ZNF333: variants seen among roughly 807,000 people sequenced by gnomAD.
ZNF333 encodes zinc finger protein 333.
In ZNF333, 61 loss-of-function variants were observed where a neutral mutation model predicts 76.1. The observed-to-expected ratio is 0.80, with a 90% CI of 0.65 to 0.99. ZNF333 has a LOEUF of 0.99. Ranked by LOEUF, ZNF333 falls within the 50% of genes least tolerant of loss-of-function variation. ZNF333 has a pLI of 0.00. For synonymous variants in ZNF333, 284 were observed against 305.0 expected (o/e 0.93, Z 0.72); for missense variants, 717 against 822.4 (o/e 0.87, Z 1.57).
chr19:14,723,322 G>A (rs1484803887), downstream of ZNF333, among the ~76,000 whole-genome samples: 2 of 152,102 alleles, frequency 1.3e-5, no homozygotes, highest in Non-Finnish European at 2.9e-5. Context: ...GTTGATTACT[G>A]TAGTTTTACA....
intron 2 of ZNF333, among the ~76,000 whole-genome samples, 180 bp from the exon 3 acceptor site, chr19:14,694,830 G>A (rs939994410): frequency 1.3e-5 from 2 of 152,230 alleles, no homozygotes; most frequent in Non-Finnish European, 2.9e-5. Context: ...AGCCATTGAT[G>A]CATTGTAAAT....
At chr19:14,715,940 G>A (rs1183425971) in intron 8 of ZNF333, among the ~76,000 whole-genome samples, 172 bp from the exon 9 acceptor site, 1 of 152,168 alleles carries the variant, frequency 6.6e-6, no homozygotes, top group Non-Finnish European at 1.5e-5. Context: ...AGTAGAGAGA[G>A]GAGTTCTAGT....
intron 11 of ZNF333, among the ~76,000 whole-genome samples, chr19:14,729,173 A>C (rs2042652369): frequency 6.6e-6 from 1 of 152,064 alleles, no homozygotes; most frequent in Non-Finnish European, 1.5e-5. Flanking sequence ...AACAGACTGA[A>C]CCTTTGAAGA....
intron 1 of ZNF333, among the ~76,000 whole-genome samples, chr19:14,690,751 C>T (rs537233881): frequency 1.3e-5 from 2 of 152,288 alleles, no homozygotes; most frequent in South Asian, 4.1e-4. Context: ...GGCTTTGCAT[C>T]TCTTCCTTTT....
chr19:14,723,788 G>A (rs1396325836), downstream of ZNF333, among the ~76,000 whole-genome samples: 1 of 152,182 alleles, frequency 6.6e-6, no homozygotes, highest in Non-Finnish European at 1.5e-5. Flanking sequence ...CATTTCTTTT[G>A]TGGGGAATTA....
downstream of ZNF333, among the ~76,000 whole-genome samples, chr19:14,726,824 A>C (rs528859824): frequency 6.6e-6 from 1 of 152,100 alleles, no homozygotes; most frequent in Admixed American, 6.6e-5. Context: ...TTTTGGTCAC[A>C]ACCCTTTAAC....
chr19:14,702,879 A>G (rs1009081715), intron 5 of ZNF333, among the ~76,000 whole-genome samples: 1 of 152,210 alleles, frequency 6.6e-6, no homozygotes, highest in African/African-American at 2.4e-5. Context: ...AAGGAGAAGT[A>G]TAAACAAAAG....
exon 12 of ZNF333, chr19:14,731,366 C>G (rs2147052323): frequency 1.6e-6 from 1 of 616,790 alleles, no homozygotes; most frequent in East Asian, 2.8e-5. Context: ...GGCTCCTTAA[C>G]TTCCGGCTTC....
intron 1 of ZNF333, among the ~76,000 whole-genome samples, chr19:14,690,404 G>A (rs1972671080): frequency 6.6e-6 from 1 of 152,206 alleles, no homozygotes; most frequent in Admixed American, 6.5e-5. Context: ...AAACAGTCCA[G>A]GTCCCACAGC....
intron 7 of ZNF333, among the ~76,000 whole-genome samples, chr19:14,713,457 C>A (rs1350081224): frequency 6.6e-6 from 1 of 152,026 alleles, no homozygotes; most frequent in African/African-American, 2.4e-5. Context: ...GAGAGTCAGC[C>A]TGGAGATTTG....
rs10403747 is a variant in ZNF333, at chr19:14,704,982, A to G, written c.307-72A>G. On this transcript the variant is annotated intron_variant, in intron 5 of 11. Coordinates refer to ENST00000292530, the MANE Select transcript of ZNF333 (RefSeq NM_032433.4). Reference sequence around the variant, plus strand: ...TTCTGGCAGCCCTAAGCCCCAAACCAAAGGTCTCTCGGGCTGAGAACAGCT... The same window carrying G: ...TTCTGGCAGCCCTAAGCCCCAAACCGAAGGTCTCTCGGGCTGAGAACAGCT... The G allele has an allele frequency of 4.7e-3, 7,032 of 1,483,450 alleles. 278 individuals carry two copies. In the African/African-American group the frequency reaches 0.081, roughly 17 times the overall value. 91.9% of individuals were successfully genotyped at this position (1,483,450 alleles called of 1,614,324 possible). A position where few individuals can be genotyped will look rare whatever the true frequency, so the allele number is the denominator to read the frequency against.
In ZNF333 at chr19:14,699,265, C is replaced by T. The variant is rs200340155; in HGVS notation, c.290C>T (p.Ser97Phe). Reference protein sequence around the residue: ...SMQDLLEEASSRDMQMGPGLF... With the variant: ...SMQDLLEEASFRDMQMGPGLF... ...CAGGATCTTTTGGAAGAAGCATCCT[C>T]CAGGGACATGCAAATGGTAAGATGC... Residue 97 changes from serine (S) to phenylalanine (F), a missense_variant, in exon 5 of 12, where the codon TCC becomes TTC. Transcript: ENST00000292530. The T allele has an allele frequency of 3.7e-6, 6 of 1,613,762 alleles. No homozygotes were observed. In the African/African-American group the frequency reaches 8.0e-5, roughly 22 times the overall value.
At chr19:14,699,945 G>A (rs180905419) in intron 5 of ZNF333, among the ~76,000 whole-genome samples, 19 of 152,120 alleles carry the variant, frequency 1.2e-4, no homozygotes, top group African/African-American at 3.1e-4. Flanking sequence ...ATATGCTCCC[G>A]GTGGGGAGGA....
intron 5 of ZNF333, among the ~76,000 whole-genome samples, chr19:14,701,061 C>T (rs1461727470): frequency 1.3e-5 from 2 of 152,156 alleles, no homozygotes; most frequent in African/African-American, 4.8e-5. Flanking sequence ...GCCCTCCTCG[C>T]CCTTGGTTTA....
At position 14,719,148 on chromosome 19, in the gene ZNF333, A is replaced by G. The variant is rs745471993; in HGVS notation, c.1821A>G (p.Val607=). 3.1e-6 allele frequency: 5 copies of G among 1,614,110 alleles called. No homozygotes were observed. In the African/African-American group the frequency reaches 6.7e-5, roughly 22 times the overall value. The part of the protein sequence containing the change: ...RAFGQSSHLI[V]HVRTHSAGRP... ...TTGGTCAGTCTTCACATCTTATTGT[A>G]CATGTGAGAACACACAGTGCCGGGA... Residue 607 remains valine, a synonymous_variant, in exon 12 of 12, where the codon GTA becomes GTG. Coordinates refer to ENST00000292530, the MANE Select transcript of ZNF333 (RefSeq NM_032433.4).
In ZNF333 at chr19:14,720,828, C is replaced by T. The variant is rs1368535887; in HGVS notation, c.*1503C>T. The T allele has an allele frequency of 3.1e-6, 3 of 978,192 alleles. No individual in the cohort carries two copies. Among genetic ancestry groups the T allele is most frequent in the Non-Finnish European group, 3.6e-6 (3 of 823,540 alleles). 60.6% of individuals were successfully genotyped at this position (978,192 alleles called of 1,614,324 possible). A position where few individuals can be genotyped will look rare whatever the true frequency, so the allele number is the denominator to read the frequency against. On this transcript the variant is annotated 3_prime_UTR_variant, in exon 12 of 12. Transcript: ENST00000292530. Reference sequence around the variant, plus strand: ...TTTATTGAGAGAGGTATGTTAAACTCTCCCACCATGATTATGTATTGCTGA... The same window carrying T: ...TTTATTGAGAGAGGTATGTTAAACTTTCCCACCATGATTATGTATTGCTGA...
At chr19:14,731,301 G>A in exon 12 of ZNF333, 1 of 1,047,758 alleles carries the variant, frequency 9.5e-7, no homozygotes, top group Non-Finnish European at 1.4e-6. Flanking sequence ...TGCAGATTCT[G>A]AAGCTTGCAG....
At chr19:14,728,482 A>T (rs373292468) in intron 11 of ZNF333, among the ~76,000 whole-genome samples, 1 of 152,242 alleles carries the variant, frequency 6.6e-6, no homozygotes, top group East Asian at 1.9e-4. Flanking sequence ...TCTTGCTAGG[A>T]TATGTAGAAA....
intron 7 of ZNF333, chr19:14,708,328 C>T (rs1231276601): frequency 1.0e-5 from 4 of 400,854 alleles, no homozygotes; most frequent in Non-Finnish European, 1.8e-5. Flanking sequence ...CTTCTTGAAG[C>T]GGGTAACACC....
Sources: gnomAD v4.1 joint callset for allele counts (sites outside exome capture counted in the v4.1 genomes callset) on GRCh38, gnomAD v4.1.1 for gene constraint, MANE v1.5 for transcripts, NCBI Gene and HGNC (gene_info 2026-07-23, HGNC 2026-07-21) for gene names.